Variants in COL21A1 observed in about 807,000 individuals in gnomAD.
COL21A1 encodes the protein collagen alpha-1(XXI) chain.
Under a neutral mutation model 137.9 loss-of-function variants are expected in COL21A1, and 149 were observed. The ratio of observed to expected loss-of-function variants is 1.08; its 90% CI spans 0.95 to 1.24. The LOEUF (loss-of-function observed/expected upper bound fraction) is 1.24. COL21A1 is among the 50% of genes most tolerant of loss of function. The pLI is 0.00. For synonymous variants in COL21A1, 456 were observed against 391.5 expected (o/e 1.16, Z -1.95); for missense variants, 1,167 against 1,158.4 (o/e 1.01, Z -0.11).
chr6:56,276,700 G>A lies in COL21A1; in HGVS notation c.-38-94044C>T, dbSNP rs951024672. 1.9e-5 allele frequency: 28 copies of A among 1,437,356 alleles called. No individual in the cohort carries two copies. In the African/African-American group the frequency reaches 3.7e-4, roughly 19 times the overall value. The allele number at this position is 1,437,356 out of a possible 1,614,324, so 89.0% of individuals were successfully genotyped here. The stretch of plus-strand genomic sequence containing the variant: ...ATCCTTGTCACAAATAGTTTAAGAT[G>A]GCCTGGGTGATTCACGGCTTCCTTA... On this transcript the variant is annotated intron_variant, in intron 1 of 28. Coordinates refer to the COL21A1 transcript ENST00000370819.
intron 1 of COL21A1, among the ~76,000 whole-genome samples, chr6:56,313,915 C>T (rs1301147637): frequency 6.6e-6 from 1 of 152,188 alleles, no homozygotes; most frequent in Non-Finnish European, 1.5e-5. Flanking sequence ...TCTTCACTTG[C>T]GTCTGCTCCA....
chr6:56,069,105 C>T lies in COL21A1; in HGVS notation c.2032G>A (p.Ala678Thr), dbSNP rs757963308. The change falls in exon 22 of 30, where the codon GCA (alanine) becomes ACA (threonine). Residue 678 changes from alanine (A) to threonine (T), a missense_variant. By Grantham distance (58) the Ala-to-Thr change is moderately conservative (BLOSUM62 0). Transcript: ENST00000244728. ...CCTGGTTCTCCTGGGGAACCCGTTG[C>T]TCCTGGTTCTCCCTATGTAACACAG... Reference protein sequence around the residue: ...GASGLKGEPGATGSPGEPGYM... With the variant: ...GASGLKGEPGTTGSPGEPGYM... The T allele has an allele frequency of 5.0e-6, 8 of 1,597,978 alleles. No homozygotes were observed. The East Asian group carries it at 1.4e-4, about 27-fold the overall frequency.
intron 12 of COL21A1, among the ~76,000 whole-genome samples, chr6:56,132,653 A>G (rs1773653110): frequency 6.6e-6 from 1 of 152,214 alleles, no homozygotes; most frequent in South Asian, 2.1e-4. Context: ...TCATAAAATA[A>G]GAATGCTGGT....
intron 13 of COL21A1, 89 bp downstream of exon 13, chr6:56,126,003 CATTT>C: frequency 2.9e-6 from 2 of 696,116 alleles, no homozygotes; most frequent in Non-Finnish European, 4.7e-6. Context: ...TATATATGAA[CATTT>C]ATTTATAACA....
intron 1 of COL21A1, among the ~76,000 whole-genome samples, chr6:56,326,763 T>C (rs1456479412): frequency 6.6e-6 from 1 of 152,030 alleles, no homozygotes; most frequent in Non-Finnish European, 1.5e-5. Context: ...AATAACTTAA[T>C]TCAATAAACA....
chr6:56,333,282 C>G (rs1190469804), intron 1 of COL21A1, among the ~76,000 whole-genome samples: 2 of 151,960 alleles, frequency 1.3e-5, no homozygotes. Flanking sequence ...ATTTCCAATT[C>G]TCTCTGTTCC....
intron 1 of COL21A1, among the ~76,000 whole-genome samples, chr6:56,184,019 A>G (rs975401611): frequency 1.3e-5 from 2 of 152,204 alleles, no homozygotes; most frequent in African/African-American, 4.8e-5. Context: ...AAAACATGAT[A>G]AAAGGAATAG....
chr6:56,088,229 T>C (rs564631912), intron 17 of COL21A1, among the ~76,000 whole-genome samples: 1 of 152,048 alleles, frequency 6.6e-6, no homozygotes, highest in Non-Finnish European at 1.5e-5. Flanking sequence ...CTGGGCATGG[T>C]GGCACATGCC....
chr6:56,115,633 A>G (rs1047515798), intron 16 of COL21A1, among the ~76,000 whole-genome samples: 15 of 152,196 alleles, frequency 9.9e-5, no homozygotes, highest in African/African-American at 2.7e-4. Context: ...ATCTACTAGC[A>G]TCAACACCAT....
chr6:56,233,946 T>C (rs1781743852), intron 1 of COL21A1, among the ~76,000 whole-genome samples: 1 of 151,820 alleles, frequency 6.6e-6, no homozygotes, highest in Non-Finnish European at 1.5e-5. Context: ...GGAAAATATG[T>C]TTTAGTTAAT....
chr6:56,233,154 C>G (rs1035321985), intron 1 of COL21A1, among the ~76,000 whole-genome samples: 1 of 151,802 alleles, frequency 6.6e-6, no homozygotes, highest in African/African-American at 2.4e-5. Flanking sequence ...CCCCAGGTAG[C>G]TTCCCCACAA....
At chr6:56,226,832 C>T (rs1041870144) in intron 1 of COL21A1, among the ~76,000 whole-genome samples, 10 of 151,386 alleles carry the variant, frequency 6.6e-5, no homozygotes, top group African/African-American at 2.4e-4. Flanking sequence ...ATGAAACTTT[C>T]GAAGAGACTA....
rs11317686 is a variant in COL21A1, at chr6:56,163,706, CAA to C, written c.1371+715_1371+716del. ...CTGGCGATAGAGCAAGGCTCCGTCTCAAAAAAAAAAAAAAATTTAGTCATTAA... is the reference window on the plus strand; with the variant it reads ...CTGGCGATAGAGCAAGGCTCCGTCTCAAAAAAAAAAAAATTTAGTCATTAA... On this transcript the variant is annotated intron_variant, in intron 9 of 29. Coordinates refer to ENST00000244728, the MANE Select transcript of COL21A1 (RefSeq NM_030820.4). Among the ~76,000 whole-genome samples, 479 of 136,456 alleles carry C rather than the reference CAA, an allele frequency of 3.5e-3. 3 individuals are homozygous for C. Among genetic ancestry groups the C allele is most frequent in the South Asian group, 9.2e-3 (40 of 4,328 alleles). 89.5% of individuals were successfully genotyped at this position (136,456 alleles called of 152,430 possible). A position where few individuals can be genotyped will look rare whatever the true frequency, so the allele number is the denominator to read the frequency against.
chr6:56,330,282 G>C (rs1163771178), intron 1 of COL21A1, among the ~76,000 whole-genome samples: 1 of 151,956 alleles, frequency 6.6e-6, no homozygotes, highest in African/African-American at 2.4e-5. Context: ...TATATTAGGA[G>C]GGTAAAGCAA....
intron 1 of COL21A1, among the ~76,000 whole-genome samples, chr6:56,254,137 G>C (rs11752389): frequency 6.6e-6 from 1 of 152,032 alleles, no homozygotes; most frequent in African/African-American, 2.4e-5. Context: ...TTTTATCTTA[G>C]GGCTGACAGT....
chr6:56,184,536 A>C (rs1294347464), intron 1 of COL21A1, among the ~76,000 whole-genome samples: 6 of 152,202 alleles, frequency 3.9e-5, no homozygotes, highest in Non-Finnish European at 8.8e-5. Flanking sequence ...TAGTAGTGGA[A>C]CAGAAGGTTG....
At chr6:56,123,484 C>T (rs974922890) in intron 16 of COL21A1, among the ~76,000 whole-genome samples, 10 of 152,200 alleles carry the variant, frequency 6.6e-5, no homozygotes, top group African/African-American at 2.4e-4. Context: ...AAGATAACAT[C>T]CCTATGTCCA....
chr6:56,187,332 C>T (rs1335299532), intron 1 of COL21A1, among the ~76,000 whole-genome samples: 1 of 152,190 alleles, frequency 6.6e-6, no homozygotes, highest in African/African-American at 2.4e-5. Context: ...ACAGAACCCT[C>T]ATGACCCAAT....
intron 1 of COL21A1, among the ~76,000 whole-genome samples, chr6:56,341,561 G>A (rs1765468522): frequency 6.6e-6 from 1 of 152,160 alleles, no homozygotes; most frequent in Non-Finnish European, 1.5e-5. Flanking sequence ...AAAGATCAGT[G>A]GTGTCAGGGA....
Sources: gnomAD v4.1 joint callset for allele counts (sites outside exome capture counted in the v4.1 genomes callset) on GRCh38, gnomAD v4.1.1 for gene constraint, MANE v1.5 for transcripts, NCBI Gene and HGNC (gene_info 2026-07-23, HGNC 2026-07-21) for gene names.